The following PLK3 variants were observed in gnomAD, a reference collection of about 807,000 sequenced individuals.
The protein encoded by PLK3 is serine/threonine-protein kinase PLK3.
In PLK3, 41 loss-of-function variants were observed where a neutral mutation model predicts 71.6. That is an observed-to-expected ratio of 0.57 (90% CI 0.45 to 0.74). The LOEUF is 0.74. Ranked by LOEUF, PLK3 falls within the 30% of genes least tolerant of loss-of-function variation. PLK3 has a pLI of 0.00. For synonymous variants in PLK3, 366 were observed against 355.4 expected, an observed-to-expected ratio of 1.03 and a Z score of -0.33; for missense variants, 791 against 875.6, an observed-to-expected ratio of 0.90 and a Z score of 1.22.
At chr1:44,802,388 G>A (rs1651861298) in intron 5 of PLK3, among the ~76,000 whole-genome samples, 1 of 152,132 alleles carries the variant, frequency 6.6e-6, no homozygotes, top group Admixed American at 6.5e-5. Context: ...GTGTTTATGG[G>A]GGTTGTGACA....
chr1:44,801,003 TG>T (rs1651809372), intron 2 of PLK3, 32 bp from the exon 3 acceptor site: 1 of 1,608,212 alleles, frequency 6.2e-7, no homozygotes, highest in African/African-American at 1.3e-5. Flanking sequence ...ATGGGAACCA[TG>T]GAAGGATGAC....
intron 3 of PLK3, among the ~76,000 whole-genome samples, 181 bp from the exon 4 acceptor site, chr1:44,801,441 C>T: frequency 6.6e-6 from 1 of 152,060 alleles, no homozygotes; most frequent in East Asian, 1.9e-4. Flanking sequence ...AACTCCTGAC[C>T]TTGTGATACA....
Position 44,803,038 on chromosome 1 carries a change from C to T in PLK3, c.833C>T (p.Thr278Met), listed in dbSNP as rs765110838. Residue 278 changes from threonine (T) to methionine (M), a missense_variant, in exon 7 of 15, where the codon ACG becomes ATG. Physicochemically the swap from Thr to Met is moderately conservative, Grantham distance 81. Coordinates refer to ENST00000372201, the MANE Select transcript of PLK3 (RefSeq NM_004073.4). The surrounding 1 kb of genome is among the most constrained non-coding windows in gnomAD (Gnocchi z 4.3). ...CGCTGCATCAAGCAGGTTCACTACA[C>T]GCTGCCTGCCAGCCTCTCACTGCCT... ...TYRCIKQVHY[T>M]LPASLSLPAR... 6.2e-6 allele frequency: 10 copies of T among 1,613,866 alleles called. No homozygotes were observed. In the East Asian group the frequency reaches 8.9e-5, roughly 14 times the overall value.
chr1:44,803,251 A>T lies in PLK3; in HGVS notation c.949-17A>T, dbSNP rs756256582. Reference sequence around the variant, plus strand: ...CCTGGAGCCTCTCTTCTCTGTTCACATGGTTCCCCTCCCTAGGGCTACACC... The same window carrying T: ...CCTGGAGCCTCTCTTCTCTGTTCACTTGGTTCCCCTCCCTAGGGCTACACC... On this transcript the variant is annotated splice_polypyrimidine_tract_variant and intron_variant, in intron 7 of 14. Transcript: ENST00000372201. This position sits in a 1 kb window ranked among gnomAD's most constrained non-coding sequence, Gnocchi z 4.3. 6.2e-7 allele frequency: 1 copy of T among 1,613,688 alleles called. No homozygotes were observed. The highest frequency in any genetic ancestry group is 8.5e-7 in the Non-Finnish European group (1 of 1,179,772).
rs774929484 is a variant in PLK3, at chr1:44,803,193, C to T, written c.948+40C>T. 6.2e-6 allele frequency: 10 copies of T among 1,612,150 alleles called. No individual in the cohort carries two copies. The highest frequency in any genetic ancestry group is 3.4e-6 in the Non-Finnish European group (4 of 1,178,546). ...AGACCTCTAAGTCCATCTGTGTATT[C>T]CCAGGGATTGAAAGGGGGCAGGTGA... On this transcript the variant is annotated intron_variant, in intron 7 of 14. Coordinates refer to ENST00000372201, the MANE Select transcript of PLK3 (RefSeq NM_004073.4). The surrounding 1 kb of genome is among the most constrained non-coding windows in gnomAD (Gnocchi z 4.3).
chr1:44,802,790 T>A lies in PLK3; in HGVS notation c.684T>A (p.Ala228=), dbSNP rs1477055934. Residue 228 remains alanine, a synonymous_variant, in exon 6 of 15, where the codon GCT becomes GCA. Transcript: ENST00000372201. ...KTICGTPNYV[A]PEVLLRQGHG... ...TCTGTGGCACCCCCAACTATGTGGCTCCAGAAGTGCTGCTGAGACAGGGCC... is the reference window on the plus strand; with the variant it reads ...TCTGTGGCACCCCCAACTATGTGGCACCAGAAGTGCTGCTGAGACAGGGCC... 6 of 1,613,708 alleles carry A rather than the reference T, an allele frequency of 3.7e-6. No individual in the cohort carries two copies. The South Asian group carries it at 6.6e-5, about 18-fold the overall frequency.
rs17886650 is a variant in PLK3, at chr1:44,804,967, T to C, written c.1635+188T>C. The C allele has an allele frequency of 3.7e-4, 226 of 612,234 alleles. 2 individuals are homozygous for C. The African/African-American group carries it at 3.9e-3, about 10-fold the overall frequency. The allele number at this position is 612,234 out of a possible 1,614,324, so 37.9% of individuals were successfully genotyped here. A position where few individuals can be genotyped will look rare whatever the true frequency, so the allele number is the denominator to read the frequency against. On this transcript the variant is annotated intron_variant, in intron 13 of 14. Transcript: ENST00000372201. The stretch of plus-strand genomic sequence containing the variant: ...AAAAATACAACAAATTAGCCGGGCG[T>C]GGTGGCGGGCGCCTGTAGTCCCAGC...
At chr1:44,801,457 C>T (rs936254892) in intron 3 of PLK3, among the ~76,000 whole-genome samples, 165 bp from the exon 4 acceptor site, 5 of 152,048 alleles carry the variant, frequency 3.3e-5, no homozygotes, top group African/African-American at 1.2e-4. Flanking sequence ...ATACACCTGC[C>T]TTGGCCTCCC....
rs1573610203 is a variant in PLK3 at position 44,800,786 on chromosome 1, G to A, written c.211-54G>A. On this transcript the variant is annotated intron_variant, in intron 1 of 14. Transcript: ENST00000372201. This position sits in a 1 kb window ranked among gnomAD's most constrained non-coding sequence, Gnocchi z 6.5. ...CTTGACCCCCAACGCGGGGACGCCC[G>A]CGGGCCAGACTCGGCCCCCCTGGAA... The A allele has an allele frequency of 6.4e-7, 1 of 1,560,352 alleles. No homozygotes were observed. Among genetic ancestry groups the A allele is most frequent in the Non-Finnish European group, 8.7e-7 (1 of 1,152,936 alleles).
At chr1:44,805,078 C>G (rs1651978376) in intron 13 of PLK3, 188 bp from the exon 14 acceptor site, 2 of 591,302 alleles carry the variant, frequency 3.4e-6, no homozygotes, top group Non-Finnish European at 6.0e-6. Context: ...TGCACTCCAG[C>G]CTGGGCAACA....
rs749133911 is a variant in PLK3 at position 44,804,698 on chromosome 1, G to C, written c.1554G>C (p.Val518=). The change falls in exon 13 of 15, where the codon GTG becomes GTC. Residue 518 remains valine, a synonymous_variant. Transcript: ENST00000372201. ...PTSTKHFSFS[V]GAVPRALQPQ... The stretch of plus-strand genomic sequence containing the variant: ...GCACAAAGCACTTCTCCTTCTCCGT[G>C]GGTGCTGTGCCCCGGGCCCTGCAGC... 1.4e-4 allele frequency: 218 copies of C among 1,613,938 alleles called. No individual in the cohort carries two copies. The highest frequency in any genetic ancestry group is 1.7e-4 in the Non-Finnish European group (195 of 1,179,946).
intron 5 of PLK3, 33 bp from the exon 6 acceptor site, chr1:44,802,727 C>G: frequency 6.7e-7 from 1 of 1,497,310 alleles, no homozygotes; most frequent in Non-Finnish European, 9.3e-7. Flanking sequence ...GGCTGGGTCT[C>G]AGCCTTCTCT....
chr1:44,803,015 C>T lies in PLK3; in HGVS notation c.810C>T (p.Arg270=), dbSNP rs1651883775. ...CGGCTGACCTGAAGGAGACGTACCG[C>T]TGCATCAAGCAGGTTCACTACACGC... ...FETADLKETY[R]CIKQVHYTLP... is the part of the protein sequence containing the mutation. Residue 270 remains arginine (R), a synonymous_variant, in exon 7 of 15, where the codon CGC becomes CGT. Transcript: ENST00000372201. The surrounding 1 kb of genome is among the most constrained non-coding windows in gnomAD (Gnocchi z 4.3). 6.2e-7 allele frequency: 1 copy of T among 1,613,942 alleles called. No individual in the cohort carries two copies. Among genetic ancestry groups the T allele is most frequent in the Non-Finnish European group, 8.5e-7 (1 of 1,179,996 alleles).
chr1:44,803,034 T>C lies in PLK3; in HGVS notation c.829T>C (p.Tyr277His). 1 of 1,614,044 alleles carries C rather than the reference T, an allele frequency of 6.2e-7. No individual in the cohort carries two copies. Residue 277 changes from tyrosine (Y) to histidine (H), a missense_variant, in exon 7 of 15, where the codon TAC becomes CAC. Tyr to His is a moderately conservative substitution (Grantham distance 83). Transcript: ENST00000372201. This position sits in a 1 kb window ranked among gnomAD's most constrained non-coding sequence, Gnocchi z 4.3. ...ETYRCIKQVH[Y>H]TLPASLSLPA... ...GTACCGCTGCATCAAGCAGGTTCAC[T>C]ACACGCTGCCTGCCAGCCTCTCACT...
intron 5 of PLK3, among the ~76,000 whole-genome samples, chr1:44,802,253 A>G (rs1050647622): frequency 3.3e-5 from 5 of 151,752 alleles, no homozygotes; most frequent in Non-Finnish European, 7.4e-5. Context: ...GGCAGCGTGT[A>G]TGTGTGTGTG....
In PLK3 at chr1:44,800,501, TC is replaced by T; in HGVS notation, c.40del (p.Gln14SerfsTer95). 1 of 1,446,996 alleles carries T rather than the reference TC, an allele frequency of 6.9e-7. No homozygotes were observed. The highest frequency in any genetic ancestry group is 9.0e-7 in the Non-Finnish European group (1 of 1,107,196). 89.6% of individuals were successfully genotyped at this position (1,446,996 alleles called of 1,614,324 possible). A position where few individuals can be genotyped will look rare whatever the true frequency, so the allele number is the denominator to read the frequency against. ...PAAGFLSPRP[F>X]QRAAAAPAPP... Reference sequence around the variant, plus strand: ...GCCGGTTTCCTGTCTCCGCGCCCCTTCCAGCGTGCGGCCGCCGCGCCCGCTC... The same window carrying T: ...GCCGGTTTCCTGTCTCCGCGCCCCTTCAGCGTGCGGCCGCCGCGCCCGCTC... On this transcript the variant is annotated frameshift_variant, in exon 1 of 15. Transcript: ENST00000372201. LOFTEE classifies it high-confidence loss of function. The surrounding 1 kb of genome is among the most constrained non-coding windows in gnomAD (Gnocchi z 6.5).
In PLK3 at chr1:44,803,271, T is replaced by C. The variant is rs1373351190; in HGVS notation, c.952T>C (p.Tyr318His). ...ILRHDFFTKG[Y>H]TPDRLPISSC... is the part of the protein sequence containing the mutation. ...TTCACATGGTTCCCCTCCCTAGGGCTACACCCCCGATCGACTCCCTATCAG... is the reference window on the plus strand; with the variant it reads ...TTCACATGGTTCCCCTCCCTAGGGCCACACCCCCGATCGACTCCCTATCAG... The change falls in exon 8 of 15, where the codon TAC (tyrosine) becomes CAC (histidine). Residue 318 changes from tyrosine to histidine, a missense_variant. Coordinates refer to ENST00000372201, the MANE Select transcript of PLK3 (RefSeq NM_004073.4). The surrounding 1 kb of genome is among the most constrained non-coding windows in gnomAD (Gnocchi z 4.3). The C allele has an allele frequency of 1.9e-6, 3 of 1,613,918 alleles. No homozygotes were observed. The highest frequency in any genetic ancestry group is 4.5e-5 in the East Asian group (2 of 44,898).
At position 44,805,290 on chromosome 1, in the gene PLK3, G is replaced by C; in HGVS notation, c.1660G>C (p.Glu554Gln). The C allele has an allele frequency of 6.2e-7, 1 of 1,613,600 alleles. No homozygotes were observed. The highest frequency in any genetic ancestry group is 8.5e-7 in the Non-Finnish European group (1 of 1,179,644). Residue 554 changes from glutamate to glutamine, a missense_variant, in exon 14 of 15, where the codon GAG becomes CAG. Transcript: ENST00000372201. ...MKGGDLPSVE[E>Q]VEVPAPPLLL... Reference sequence around the variant, plus strand: ...GGGTGGAGATCTGCCCAGTGTGGAAGAGGTAGAGGTACCTGCTCCGCCCTT... The same window carrying C: ...GGGTGGAGATCTGCCCAGTGTGGAACAGGTAGAGGTACCTGCTCCGCCCTT...
At chr1:44,805,415 G>A (rs762761638) in intron 14 of PLK3, 36 bp downstream of exon 14, 89 of 1,605,366 alleles carry the variant, frequency 5.5e-5, no homozygotes, top group Non-Finnish European at 7.3e-5. Flanking sequence ...GAAGGTCTGG[G>A]AGGCCCAGGG....
Sources: allele counts gnomAD v4.1 joint callset (sites outside exome capture counted in the v4.1 genomes callset), GRCh38; gene constraint gnomAD v4.1.1; non-coding constraint Gnocchi (gnomAD v3.1); transcripts MANE v1.5; gene names NCBI Gene and HGNC (gene_info 2026-07-23, HGNC 2026-07-21).